The following PRDM7 variants were observed in gnomAD, a reference collection of about 807,000 sequenced individuals.
The protein encoded by PRDM7 is PR/SET domain 7, also known as histone-lysine N-methyltransferase PRDM7.
PRDM7 carries 52 observed loss-of-function variants against 64.3 expected under a neutral mutation model. That is an observed-to-expected ratio of 0.81 (90% confidence interval 0.65 to 1.02). The LOEUF (loss-of-function observed/expected upper bound fraction) is 1.02. Among genes scored for constraint, PRDM7 ranks in the 50% least tolerant of loss-of-function variants. PRDM7 has a pLI of 0.00. For missense variants in PRDM7, 574 were observed against 597.1 expected, an observed-to-expected ratio of 0.96 and a Z score of 0.40; for synonymous variants, 192 against 210.1, an observed-to-expected ratio of 0.91 and a Z score of 0.74.
chr16:90,058,599 G>A (rs2037719246), intron 10 of PRDM7, 65 bp from the exon 11 acceptor site: 2 of 1,542,420 alleles, frequency 1.3e-6, no homozygotes, highest in Non-Finnish European at 1.8e-6. Context: ...ATGAAGGTAT[G>A]AAGATCAAAT....
chr16:90,064,694 A>T (rs2037842433), intron 5 of PRDM7, among the ~76,000 whole-genome samples: 1 of 145,302 alleles, frequency 6.9e-6, no homozygotes, highest in Admixed American at 6.8e-5. Context: ...GATTATATGT[A>T]AGAGCCCCCG....
chr16:90,061,092 T>C (rs1457145821), intron 9 of PRDM7, among the ~76,000 whole-genome samples: 1 of 152,224 alleles, frequency 6.6e-6, no homozygotes, highest in Non-Finnish European at 1.5e-5. Context: ...GGAAAGGGGC[T>C]GGGTCATCCT....
At chr16:90,065,393 G>T (rs1293152118) in intron 5 of PRDM7, among the ~76,000 whole-genome samples, 3 of 92,742 alleles carry the variant, frequency 3.2e-5, no homozygotes, top group East Asian at 3.4e-4. Context: ...AACTCTGTCT[G>T]AAAAAAAAAA....
In PRDM7 at chr16:90,060,598, C is replaced by T. The variant is rs749422975; in HGVS notation, c.976G>A (p.Glu326Lys). Residue 326 changes from glutamate to lysine, a missense_variant, in exon 10 of 11, where the codon GAA becomes AAA. Coordinates refer to ENST00000449207, the MANE Select transcript of PRDM7 (RefSeq NM_001098173.2). ...TGGAAGGCCACCAGGTTCTGCTCTT[C>T]ATCATCCCGGGCACAGTTCACATAC... Reference protein sequence around the residue: ...MRYVNCARDDEEQNLVAFQYH... With the variant: ...MRYVNCARDDKEQNLVAFQYH... The T allele has an allele frequency of 1.5e-5, 25 of 1,614,020 alleles. No homozygotes were observed. The East Asian group carries it at 4.0e-4, about 26-fold the overall frequency.
rs1225877189 is a variant in PRDM7, at chr16:90,056,702, T to A, written c.*1587A>T. On this transcript the variant is annotated 3_prime_UTR_variant, in exon 11 of 11. Transcript: ENST00000449207. ...GGGGGTCCACGTGAGAGGGTCGTGATCGATTGAGCAAGCAGGGGGTAGGTG... is the reference window on the plus strand; with the variant it reads ...GGGGGTCCACGTGAGAGGGTCGTGAACGATTGAGCAAGCAGGGGGTAGGTG... The A allele has an allele frequency of 6.6e-6, 1 of 152,118 alleles. No homozygotes were observed. The highest frequency in any genetic ancestry group is 2.4e-5 in the African/African-American group (1 of 41,408). The allele number at this position is 152,118 out of a possible 1,614,324, so 9.4% of individuals were successfully genotyped here. A position where few individuals can be genotyped will look rare whatever the true frequency, so the allele number is the denominator to read the frequency against.
At chr16:90,073,774 A>G (rs2037995562) in intron 4 of PRDM7, among the ~76,000 whole-genome samples, 1 of 151,868 alleles carries the variant, frequency 6.6e-6, no homozygotes, top group Non-Finnish European at 1.5e-5. Context: ...GGCCGGTTTC[A>G]GGAGGTCACT....
Position 90,070,018 on chromosome 16 carries a change from G to A in PRDM7, c.302-3108C>T, listed in dbSNP as rs138366855. 4.2e-4 allele frequency: 66 copies of A among 157,488 alleles called. No homozygotes were observed. The East Asian group carries it at 0.01, about 25-fold the overall frequency. The allele number at this position is 157,488 out of a possible 1,614,324, so 9.8% of individuals were successfully genotyped here. A position where few individuals can be genotyped will look rare whatever the true frequency, so the allele number is the denominator to read the frequency against. ...GGTAGTGAGCTGAGATCACGCCATT[G>A]CACTCCAGCCGGGGTGACAAGAGCG... On this transcript the variant is annotated intron_variant, in intron 4 of 10. Coordinates refer to ENST00000449207, the MANE Select transcript of PRDM7 (RefSeq NM_001098173.2).
chr16:90,057,967 C>G lies in PRDM7; in HGVS notation c.*322G>C. 4 of 1,602,620 alleles carry G rather than the reference C, an allele frequency of 2.5e-6. No individual in the cohort carries two copies. The highest frequency in any genetic ancestry group is 3.4e-6 in the Non-Finnish European group (4 of 1,172,544). On this transcript the variant is annotated 3_prime_UTR_variant, in exon 11 of 11. Coordinates refer to ENST00000449207, the MANE Select transcript of PRDM7 (RefSeq NM_001098173.2). Reference sequence around the variant, plus strand: ...AAGGCTTCTCCCCTGTGTGTGTCCTCTGGTGACTGAGGAGGTCTGACTTCC... The same window carrying G: ...AAGGCTTCTCCCCTGTGTGTGTCCTGTGGTGACTGAGGAGGTCTGACTTCC...
Position 90,077,306 on chromosome 16 carries a change from C to G in PRDM7, c.-166G>C, listed in dbSNP as rs564953507. ...TCTCCTGCCGCGGTGTTCACCCTGG[C>G]CGGGCGTCTTCTCGGAGCCGCTCAG... On this transcript the variant is annotated 5_prime_UTR_variant, in exon 1 of 11. Coordinates refer to ENST00000449207, the MANE Select transcript of PRDM7 (RefSeq NM_001098173.2). The G allele has an allele frequency of 6.6e-6, 1 of 152,342 alleles. No individual in the cohort carries two copies. Among genetic ancestry groups the G allele is most frequent in the Non-Finnish European group, 1.5e-5 (1 of 68,118 alleles). 9.4% of individuals were successfully genotyped at this position (152,342 alleles called of 1,614,324 possible). A position where few individuals can be genotyped will look rare whatever the true frequency, so the allele number is the denominator to read the frequency against.
At chr16:90,061,420 C>G in intron 9 of PRDM7, 32 bp downstream of exon 9, 1 of 1,547,140 alleles carries the variant, frequency 6.5e-7, no homozygotes, top group Non-Finnish European at 8.9e-7. Context: ...GATGGAGGTT[C>G]TCTCTGAAAC....
chr16:90,062,365 C>CG, intron 7 of PRDM7, 36 bp downstream of exon 7: 1 of 1,613,796 alleles, frequency 6.2e-7, no homozygotes. Flanking sequence ...CAGGACATAA[C>CG]AGCAAGCTGT....
At chr16:90,067,870 G>A (rs149222357) in intron 4 of PRDM7, among the ~76,000 whole-genome samples, 1,826 of 151,208 alleles carry the variant, frequency 0.012, 134 homozygotes, top group African/African-American at 0.043. Context: ...GATTACAGGC[G>A]TGAGCCACCG....
At position 90,058,552 on chromosome 16, in the gene PRDM7, T is replaced by C. The variant is rs757903266; in HGVS notation, c.1234-18A>G. 4.3e-5 allele frequency: 69 copies of C among 1,612,254 alleles called. 1 individual carries two copies. The highest frequency in any genetic ancestry group is 3.3e-4 in the East Asian group (15 of 44,894). On this transcript the variant is annotated intron_variant, in intron 10 of 10. Transcript: ENST00000449207. ...CTTTGGTTCTGAAAGAGGAAGTTTTTGGTCAGGGTAGATGTTTTGTTCAGG... is the reference window on the plus strand; with the variant it reads ...CTTTGGTTCTGAAAGAGGAAGTTTTCGGTCAGGGTAGATGTTTTGTTCAGG...
intron 4 of PRDM7, among the ~76,000 whole-genome samples, chr16:90,070,537 T>C (rs1045645497): frequency 1.3e-5 from 2 of 151,070 alleles, no homozygotes; most frequent in Non-Finnish European, 2.9e-5. Flanking sequence ...TGAGCCGAGA[T>C]TGCACCACTG....
At chr16:90,065,969 A>C (rs2037867306) in intron 5 of PRDM7, among the ~76,000 whole-genome samples, 1 of 151,190 alleles carries the variant, frequency 6.6e-6, no homozygotes, top group Non-Finnish European at 1.5e-5. Context: ...TAGACTCCTG[A>C]AGAGCTCACA....
In PRDM7 at chr16:90,058,094, A is replaced by T. The variant is rs2151304280; in HGVS notation, c.*195T>A. The T allele has an allele frequency of 6.2e-7, 1 of 1,613,630 alleles. No homozygotes were observed. The highest frequency in any genetic ancestry group is 8.5e-7 in the Non-Finnish European group (1 of 1,179,750). ...GACTTATCACTGAAACCTTGCCCAC[A>T]CTCTCCATATTTGACTTTCGCAATT... On this transcript the variant is annotated 3_prime_UTR_variant, in exon 11 of 11. Transcript: ENST00000449207.
At chr16:90,072,188 G>A (rs1185963368) in intron 4 of PRDM7, among the ~76,000 whole-genome samples, 3 of 148,424 alleles carry the variant, frequency 2.0e-5, no homozygotes, top group African/African-American at 7.5e-5. Flanking sequence ...CCGAGATTGC[G>A]CCACTGCACT....
At position 90,075,222 on chromosome 16, in the gene PRDM7, C is replaced by T. The variant is rs1410270103; in HGVS notation, c.193+129G>A. 1 of 1,531,806 alleles carries T rather than the reference C, an allele frequency of 6.5e-7. No individual in the cohort carries two copies. The highest frequency in any genetic ancestry group is 1.4e-5 in the African/African-American group (1 of 72,846). The allele number at this position is 1,531,806 out of a possible 1,614,324, so 94.9% of individuals were successfully genotyped here. ...CACTGACGCAAAAGAACAATATTTC[C>T]CTCCAGATTTGTCTCCGTGCAAAAG... On this transcript the variant is annotated intron_variant, in intron 3 of 10. Transcript: ENST00000449207. This position sits in a 1 kb window ranked among gnomAD's most constrained non-coding sequence, Gnocchi z 4.3.
intron 5 of PRDM7, 97 bp downstream of exon 5, chr16:90,066,764 C>T: frequency 9.1e-7 from 1 of 1,099,532 alleles, no homozygotes; most frequent in Non-Finnish European, 1.4e-6. Context: ...GAGAGGAAGG[C>T]AGTAGTTCCT....
Sources: gnomAD v4.1 joint callset for allele counts (sites outside exome capture counted in the v4.1 genomes callset) on GRCh38, gnomAD v4.1.1 for gene constraint, Gnocchi (gnomAD v3.1) non-coding constraint, MANE v1.5 for transcripts, NCBI Gene and HGNC (gene_info 2026-07-23, HGNC 2026-07-21) for gene names.